Variants in DOCK3 observed in about 807,000 individuals in gnomAD.
The protein encoded by DOCK3 is dedicator of cytokinesis protein 3.
In DOCK3, 60 loss-of-function variants were observed where a neutral mutation model predicts 265.6. That is an observed-to-expected ratio of 0.23 (90% CI 0.18 to 0.28). The LOEUF (loss-of-function observed/expected upper bound fraction) is 0.28, where lower values mean the gene tolerates loss of function less well. DOCK3 is among the 10% of genes least tolerant of loss of function. The probability of loss-of-function intolerance (pLI) is 1.00; values close to 1 mark genes in which losing one functional copy is unlikely to be tolerated. For synonymous variants in DOCK3, 881 were observed against 938.0 expected (o/e 0.94, Z 1.11); for missense variants, 1,981 against 2,594.3 (o/e 0.76, Z 5.14).
chr3:50,928,128 G>GAT (rs35440218), intron 4 of DOCK3, among the ~76,000 whole-genome samples: 2,253 of 142,862 alleles, frequency 0.016, 19 homozygotes, highest in Admixed American at 0.027. Flanking sequence ...TTATTGTGAT[G>GAT]ATATATATAT....
chr3:51,195,664 C>T (rs1221472279), intron 12 of DOCK3, among the ~76,000 whole-genome samples: 6 of 152,018 alleles, frequency 3.9e-5, no homozygotes, highest in East Asian at 1.9e-4. Context: ...GTGATCTGCC[C>T]GCCTCGGCCT....
intron 2 of DOCK3, among the ~76,000 whole-genome samples, chr3:50,791,840 T>C (rs1335626579): frequency 6.6e-6 from 1 of 152,190 alleles, no homozygotes; most frequent in Non-Finnish European, 1.5e-5. Flanking sequence ...GGCCCTGTGG[T>C]ATAGTTTGAA....
intron 3 of DOCK3, among the ~76,000 whole-genome samples, chr3:50,849,795 A>G (rs1344443331): frequency 1.3e-5 from 2 of 152,140 alleles, no homozygotes; most frequent in Admixed American, 1.3e-4. Flanking sequence ...TTAAAAGCAT[A>G]CTTGTCAGCT....
rs568815841 is a variant in DOCK3, at chr3:50,675,954, T to G, written c.37+654T>G. On this transcript the variant is annotated intron_variant, in intron 1 of 52. Transcript: ENST00000266037. This position sits in a 1 kb window ranked among gnomAD's most constrained non-coding sequence, Gnocchi z 6.1. The stretch of plus-strand genomic sequence containing the variant: ...AGAAACCTTTTTTTAATGTTGTAAG[T>G]GTTAAACTCCAGAAGCTAAATAATT... Among the ~76,000 whole-genome samples the G allele has an allele frequency of 2.0e-5, 3 of 152,172 alleles. No individual in the cohort carries two copies. The highest frequency in any genetic ancestry group is 4.4e-5 in the Non-Finnish European group (3 of 68,038).
chr3:50,709,079 C>T (rs1404160049), intron 1 of DOCK3, among the ~76,000 whole-genome samples: 1 of 152,188 alleles, frequency 6.6e-6, no homozygotes, highest in East Asian at 1.9e-4. Flanking sequence ...ATGCAGTGGA[C>T]AAAAGTGCTA....
At chr3:51,350,192 T>C in intron 39 of DOCK3, 96 bp from the exon 40 acceptor site, 2 of 1,051,622 alleles carry the variant, frequency 1.9e-6, no homozygotes, top group Non-Finnish European at 2.8e-6. Flanking sequence ...GTTGCCATGA[T>C]CCCTTTCCAG....
At chr3:51,253,391 G>A (rs960469842) in intron 22 of DOCK3, among the ~76,000 whole-genome samples, 4 of 152,152 alleles carry the variant, frequency 2.6e-5, no homozygotes, top group African/African-American at 7.2e-5. Flanking sequence ...AACGAGTTAG[G>A]GAGGATTCCC....
chr3:51,107,252 G>A (rs1308929539), intron 9 of DOCK3, among the ~76,000 whole-genome samples: 1 of 152,122 alleles, frequency 6.6e-6, no homozygotes, highest in Non-Finnish European at 1.5e-5. Context: ...AGCCCACAAA[G>A]ATGAGAAAGA....
chr3:50,828,948 G>T (rs2044952692), intron 2 of DOCK3, among the ~76,000 whole-genome samples: 1 of 152,032 alleles, frequency 6.6e-6, no homozygotes, highest in Non-Finnish European at 1.5e-5. Context: ...TCCTCTCCTT[G>T]TGATCTGTCT....
intron 27 of DOCK3, among the ~76,000 whole-genome samples, chr3:51,285,531 A>G (rs1000779716): frequency 2.6e-5 from 4 of 151,824 alleles, no homozygotes; most frequent in Non-Finnish European, 5.9e-5. Context: ...GAAAATTTCA[A>G]TAAAAGGATT....
At chr3:50,766,849 T>C (rs2040915326) in intron 1 of DOCK3, among the ~76,000 whole-genome samples, 1 of 152,256 alleles carries the variant, frequency 6.6e-6, no homozygotes, top group South Asian at 2.1e-4. Flanking sequence ...ATTGTGGTTT[T>C]GATTTGCATT....
chr3:50,768,879 A>G (rs1225184753), intron 1 of DOCK3, among the ~76,000 whole-genome samples: 2 of 152,166 alleles, frequency 1.3e-5, no homozygotes, highest in Non-Finnish European at 2.9e-5. Context: ...CCAGCAGTGT[A>G]TGAGAGTTTC....
intron 22 of DOCK3, among the ~76,000 whole-genome samples, chr3:51,249,208 C>A (rs1186687465): frequency 1.6e-5 from 2 of 125,364 alleles, no homozygotes; most frequent in Non-Finnish European, 3.3e-5. Context: ...GTGGGGGGGT[C>A]AGCCCCCCGC....
At chr3:51,238,220 G>A (rs2078437887) in intron 21 of DOCK3, among the ~76,000 whole-genome samples, 1 of 121,444 alleles carries the variant, frequency 8.2e-6, no homozygotes, top group Non-Finnish European at 1.6e-5. Flanking sequence ...TTGGCTCACT[G>A]CAAGCTCTGC....
chr3:50,837,069 A>G (rs2045553891), intron 2 of DOCK3, among the ~76,000 whole-genome samples: 1 of 152,196 alleles, frequency 6.6e-6, no homozygotes. Context: ...GTCTCTAGGA[A>G]GTTCCAAACT....
rs1576695629 is a variant in DOCK3, at chr3:51,296,951, T to C, written c.2923-13281T>C. Among the ~76,000 whole-genome samples, 4 of 151,206 alleles carry C rather than the reference T, an allele frequency of 2.6e-5. No homozygotes were observed. In the South Asian group the frequency reaches 6.3e-4, roughly 24 times the overall value. The stretch of plus-strand genomic sequence containing the variant: ...CTGGCCAACATGGGGAAACCCGTCT[T>C]TACTAAAAATTTAAAAATTAGCCAG... On this transcript the variant is annotated intron_variant, in intron 27 of 52. Coordinates refer to ENST00000266037, the MANE Select transcript of DOCK3 (RefSeq NM_004947.5).
intron 6 of DOCK3, among the ~76,000 whole-genome samples, chr3:51,066,991 G>A (rs905163996): frequency 2.6e-5 from 4 of 152,118 alleles, no homozygotes; most frequent in Non-Finnish European, 5.9e-5. Flanking sequence ...AATACAGTAT[G>A]TTGATGTACA....
intron 21 of DOCK3, among the ~76,000 whole-genome samples, 171 bp from the exon 22 acceptor site, chr3:51,246,555 T>C (rs921274774): frequency 1.3e-5 from 2 of 152,196 alleles, no homozygotes; most frequent in African/African-American, 4.8e-5. Flanking sequence ...ACAAAGAGTG[T>C]TGTTTGTTCT....
At chr3:50,790,235 T>C (rs2042397633) in intron 2 of DOCK3, among the ~76,000 whole-genome samples, 1 of 152,178 alleles carries the variant, frequency 6.6e-6, no homozygotes, top group Non-Finnish European at 1.5e-5. Context: ...AACAGATGCA[T>C]GGTTTGTGAA....
Sources: gnomAD v4.1 joint callset for allele counts (sites outside exome capture counted in the v4.1 genomes callset) on GRCh38, gnomAD v4.1.1 for gene constraint, Gnocchi (gnomAD v3.1) non-coding constraint, MANE v1.5 for transcripts, NCBI Gene and HGNC (gene_info 2026-07-23, HGNC 2026-07-21) for gene names.